Variants in MYCBP observed in about 807,000 individuals in gnomAD.
MYCBP encodes the protein C-Myc-binding protein.
A neutral mutation model predicts 16.8 loss-of-function variants in MYCBP; 5 were observed. The observed-to-expected ratio is 0.30, with a 90% CI of 0.16 to 0.63. The LOEUF is 0.63. Ranked by LOEUF, MYCBP falls within the 20% of genes least tolerant of loss-of-function variation. The probability of loss-of-function intolerance (pLI) is 0.83; values close to 1 mark genes in which losing one functional copy is unlikely to be tolerated. For synonymous variants in MYCBP, 35 were observed against 43.7 expected, an observed-to-expected ratio of 0.80 and a Z score of 0.79; for missense variants, 103 against 121.8, an observed-to-expected ratio of 0.85 and a Z score of 0.73.
chr1:38,869,725 T>C (rs1288837384), intron 2 of MYCBP, among the ~76,000 whole-genome samples: 1 of 152,222 alleles, frequency 6.6e-6, no homozygotes, highest in East Asian at 1.9e-4. Flanking sequence ...TGTTATAAAC[T>C]ATTTCAAATC....
chr1:38,873,323 C>G lies in MYCBP; in HGVS notation c.-18G>C. 1 of 1,599,994 alleles carries G rather than the reference C, an allele frequency of 6.3e-7. No individual in the cohort carries two copies. Among genetic ancestry groups the G allele is most frequent in the South Asian group, 1.1e-5 (1 of 90,604 alleles). On this transcript the variant is annotated 5_prime_UTR_variant, in exon 1 of 5. Transcript: ENST00000397572. ...TGGGCCATAGTGACAGCGGCAGCGGCGTAGCTGGCGCCGGAGACCGCGACT... is the reference window on the plus strand; with the variant it reads ...TGGGCCATAGTGACAGCGGCAGCGGGGTAGCTGGCGCCGGAGACCGCGACT...
rs1410714228 is a variant in MYCBP at position 38,864,515 on chromosome 1, T to TA, written c.*154dup. On this transcript the variant is annotated 3_prime_UTR_variant, in exon 5 of 5. Transcript: ENST00000397572. ...CCCAAAGAAAGTTATATTGAGTTTTTATTGATGATTCTATGTGTTTTTAAC... is the reference window on the plus strand; with the variant it reads ...CCCAAAGAAAGTTATATTGAGTTTTTAATTGATGATTCTATGTGTTTTTAAC... 1 of 779,196 alleles carries TA rather than the reference T, an allele frequency of 1.3e-6. No homozygotes were observed. Among genetic ancestry groups the TA allele is most frequent in the African/African-American group, 1.8e-5 (1 of 56,732 alleles). The allele number at this position is 779,196 out of a possible 1,614,324, so 48.3% of individuals were successfully genotyped here.
At chr1:38,870,799 CAAAAAAAAAAAAAAA>C (rs60684785) in intron 2 of MYCBP, among the ~76,000 whole-genome samples, 3,022 of 60,790 alleles carry the variant, frequency 0.05, 161 homozygotes, top group African/African-American at 0.19. Flanking sequence ...GACTCCGTCT[CAAAAAAAAAAAAAAA>C]AAAAAAAAAA....
chr1:38,865,283 A>T (rs908637000), intron 4 of MYCBP, among the ~76,000 whole-genome samples: 31 of 152,230 alleles, frequency 2.0e-4, no homozygotes, highest in Non-Finnish European at 1.0e-4. Flanking sequence ...TACCTGTTGG[A>T]GTTGAGAAGC....
At chr1:38,873,359 G>A (rs1642511799), upstream of MYCBP, 5 of 1,584,716 alleles carry the variant, frequency 3.2e-6, no homozygotes, top group East Asian at 4.5e-5. Flanking sequence ...GGCGGGTTGG[G>A]AGCAGCACTG....
chr1:38,865,126 A>G (rs1297770089), intron 4 of MYCBP, among the ~76,000 whole-genome samples: 1 of 152,208 alleles, frequency 6.6e-6, no homozygotes, highest in East Asian at 1.9e-4. Flanking sequence ...ATAAACAACT[A>G]CTAATGTCTT....
rs1316303819 is a variant in MYCBP, at chr1:38,864,504, T to G, written c.*166A>C. ...CTGCTTTAAGACCCAAAGAAAGTTA[T>G]ATTGAGTTTTTATTGATGATTCTAT... On this transcript the variant is annotated 3_prime_UTR_variant, in exon 5 of 5. Transcript: ENST00000397572. 5.5e-6 allele frequency: 4 copies of G among 726,326 alleles called. No homozygotes were observed. Among genetic ancestry groups the G allele is most frequent in the Non-Finnish European group, 9.2e-6 (4 of 435,906 alleles). The allele number at this position is 726,326 out of a possible 1,614,324, so 45.0% of individuals were successfully genotyped here. A position where few individuals can be genotyped will look rare whatever the true frequency, so the allele number is the denominator to read the frequency against.
Position 38,866,065 on chromosome 1 carries a change from T to TTTTTTTTTTTA in MYCBP, c.267+814_267+815insTAAAAAAAAAA, listed in dbSNP as rs1642329983. 8.9e-5 allele frequency among the ~76,000 whole-genome samples: 13 copies of TTTTTTTTTTTA among 146,102 alleles called. 1 individual carries two copies. Among genetic ancestry groups the TTTTTTTTTTTA allele is most frequent in the Non-Finnish European group, 1.3e-4 (9 of 66,998 alleles). On this transcript the variant is annotated intron_variant, in intron 4 of 4. Coordinates refer to ENST00000397572, the MANE Select transcript of MYCBP (RefSeq NM_012333.5). Reference sequence around the variant, plus strand: ...ACCTCTTTTTTTTTTTTTTTTTTTTTGAGACAGAGTTTCATTCTTGTTGCC... The same window carrying TTTTTTTTTTTA: ...ACCTCTTTTTTTTTTTTTTTTTTTTTTTTTTTTTTTAGAGACAGAGTTTCATTCTTGTTGCC...
chr1:38,866,354 T>C (rs1225973353), intron 4 of MYCBP, among the ~76,000 whole-genome samples: 2 of 150,510 alleles, frequency 1.3e-5, no homozygotes, highest in African/African-American at 4.9e-5. Context: ...AGCCAGAACC[T>C]CTTCTTGACC....
At chr1:38,872,503 A>G (rs972870726) in intron 2 of MYCBP, 1 of 154,744 alleles carries the variant, frequency 6.5e-6, no homozygotes, top group Non-Finnish European at 1.4e-5. Flanking sequence ...ACACAAAATA[A>G]GAATTGACAC....
At chr1:38,867,346 G>A (rs984291171) in intron 3 of MYCBP, among the ~76,000 whole-genome samples, 4 of 151,618 alleles carry the variant, frequency 2.6e-5, no homozygotes, top group South Asian at 2.1e-4. Context: ...CTTGGGAGAC[G>A]TGAGGCAGGA....
upstream of MYCBP, chr1:38,873,364 G>C: frequency 6.3e-7 from 1 of 1,579,222 alleles, no homozygotes; most frequent in Admixed American, 1.8e-5. Context: ...GTTGGGAGCA[G>C]CACTGCTCAT....
intron 2 of MYCBP, 30 bp downstream of exon 2, chr1:38,872,988 A>T: frequency 6.4e-7 from 1 of 1,557,386 alleles, no homozygotes; most frequent in East Asian, 2.4e-5. Flanking sequence ...CGACGAGGGC[A>T]CGAGGTACCC....
At chr1:38,866,587 T>C (rs1166425897) in intron 4 of MYCBP, among the ~76,000 whole-genome samples, 1 of 151,918 alleles carries the variant, frequency 6.6e-6, no homozygotes, top group East Asian at 1.9e-4. Flanking sequence ...CGGCTAATTT[T>C]TGTATTCTTA....
chr1:38,866,258 G>A (rs913152799), intron 4 of MYCBP, among the ~76,000 whole-genome samples: 20 of 151,612 alleles, frequency 1.3e-4, no homozygotes, highest in African/African-American at 4.6e-4. Context: ...ATGCTGGCCA[G>A]GCTGATCTGG....
intron 4 of MYCBP, among the ~76,000 whole-genome samples, chr1:38,866,548 C>T (rs1035761820): frequency 2.6e-5 from 4 of 152,068 alleles, no homozygotes; most frequent in Non-Finnish European, 5.9e-5. Context: ...TCCCGAGTAG[C>T]TGGGATTATG....
Position 38,873,342 on chromosome 1 carries a change from C to A in MYCBP, c.-37G>T, listed in dbSNP as rs1220988082. On this transcript the variant is annotated 5_prime_UTR_variant, in exon 1 of 5. Coordinates refer to ENST00000397572, the MANE Select transcript of MYCBP (RefSeq NM_012333.5). ...CAGCGGCGTAGCTGGCGCCGGAGAC[C>A]GCGACTGGCGGGTTGGGAGCAGCAC... 4.4e-6 allele frequency: 7 copies of A among 1,597,420 alleles called. No homozygotes were observed. In the Admixed American group the frequency reaches 6.7e-5, roughly 15 times the overall value.
intron 4 of MYCBP, 87 bp downstream of exon 4, chr1:38,866,793 T>C (rs1283610469): frequency 5.6e-6 from 6 of 1,067,036 alleles, no homozygotes; most frequent in Non-Finnish European, 8.0e-6. Flanking sequence ...CCCACCTCCC[T>C]CCCCTCCTGT....
Position 38,864,733 on chromosome 1 carries a change from G to T in MYCBP, c.268-19C>A. On this transcript the variant is annotated intron_variant, in intron 4 of 4. Transcript: ENST00000397572. ...GAGCAAGCTATGGGGCAAAGACAGA[G>T]GAATTTAGGTGAATTTTATTCTAAA... 6.2e-7 allele frequency: 1 copy of T among 1,611,114 alleles called. No individual in the cohort carries two copies. The highest frequency in any genetic ancestry group is 8.5e-7 in the Non-Finnish European group (1 of 1,177,852).
Sources: gnomAD v4.1 joint callset for allele counts (sites outside exome capture counted in the v4.1 genomes callset) on GRCh38, gnomAD v4.1.1 for gene constraint, MANE v1.5 for transcripts, NCBI Gene and HGNC (gene_info 2026-07-23, HGNC 2026-07-21) for gene names.